Variants in MAPT observed in about 807,000 individuals in gnomAD.
MAPT encodes the protein microtubule associated protein tau.
In MAPT, 34 loss-of-function variants were observed where a neutral mutation model predicts 67.9. That is an observed-to-expected ratio of 0.50 (90% CI 0.38 to 0.67). The LOEUF (loss-of-function observed/expected upper bound fraction) is 0.67. MAPT is among the 30% of genes least tolerant of loss of function. MAPT has a pLI of 0.00. For missense variants in MAPT, 881 were observed against 1,115.2 expected, an observed-to-expected ratio of 0.79 and a Z score of 2.99; for synonymous variants, 456 against 464.5, an observed-to-expected ratio of 0.98 and a Z score of 0.23.
At chr17:45,919,326 C>G (rs1172299058) in intron 1 of MAPT, among the ~76,000 whole-genome samples, 1 of 151,572 alleles carries the variant, frequency 6.6e-6, no homozygotes, top group Non-Finnish European at 1.5e-5. Context: ...GCATCCAGGA[C>G]TACAGATAAC....
chr17:46,017,209 G>T (rs2076237513), intron 11 of MAPT, among the ~76,000 whole-genome samples: 1 of 152,218 alleles, frequency 6.6e-6, no homozygotes, highest in Non-Finnish European at 1.5e-5. Flanking sequence ...AGTCCTGTGG[G>T]CTGTCTCTTC....
chr17:45,908,979 C>A (rs2064537000), intron 1 of MAPT, among the ~76,000 whole-genome samples: 1 of 152,182 alleles, frequency 6.6e-6, no homozygotes, highest in Non-Finnish European at 1.5e-5. Context: ...TTAGAAGCAT[C>A]CAAAACTGAA....
chr17:45,983,207 GGCTTCCTCCGA>G lies in MAPT; in HGVS notation c.630_640del (p.Phe211AlafsTer22), dbSNP rs768990943. The G allele has an allele frequency of 6.2e-6, 10 of 1,608,348 alleles. No individual in the cohort carries two copies. Among genetic ancestry groups the G allele is most frequent in the African/African-American group, 2.7e-5 (2 of 74,872 alleles). On this transcript the variant is annotated frameshift_variant, in exon 5 of 13. Coordinates refer to ENST00000262410, the MANE Select transcript of MAPT (RefSeq NM_001377265.1). LOFTEE classifies it high-confidence loss of function. ...TGAAAGTGGTAAGGTGGTCCAGGAA[GGCTTCCTCCGA>G]GAGCCAGGCCCCCCAGGTCTGAGCC...
chr17:45,966,766 G>A (rs1234084366), intron 2 of MAPT, among the ~76,000 whole-genome samples: 2 of 152,080 alleles, frequency 1.3e-5, no homozygotes, highest in African/African-American at 4.8e-5. Context: ...ATGATCAGAA[G>A]TTCTATGCCA....
chr17:45,922,280 A>G (rs911595176), intron 1 of MAPT, among the ~76,000 whole-genome samples: 2 of 152,078 alleles, frequency 1.3e-5, no homozygotes, highest in East Asian at 3.9e-4. Flanking sequence ...AAGGCCTTAT[A>G]TTTTGCTCTT....
intron 3 of MAPT, chr17:45,978,086 T>C: frequency 2.2e-6 from 1 of 459,118 alleles, no homozygotes; most frequent in Non-Finnish European, 4.0e-6. Flanking sequence ...TGTGTCCTTG[T>C]TGAGTGAGGC....
intron 1 of MAPT, among the ~76,000 whole-genome samples, chr17:45,950,657 TTTTATTTA>T (rs573272603): frequency 3.3e-5 from 5 of 152,038 alleles, no homozygotes; most frequent in African/African-American, 2.4e-5. Flanking sequence ...ATTTTTAAAA[TTTTATTTA>T]TTTATTTATT....
intron 11 of MAPT, among the ~76,000 whole-genome samples, chr17:46,017,796 A>G (rs746732273): frequency 2.0e-5 from 3 of 149,916 alleles, no homozygotes; most frequent in Admixed American, 6.7e-5. Context: ...TTGACATTCA[A>G]TTTAATTCCA....
At chr17:45,954,381 G>A (rs138966978) in intron 1 of MAPT, among the ~76,000 whole-genome samples, 2 of 152,284 alleles carry the variant, frequency 1.3e-5, no homozygotes, top group East Asian at 3.9e-4. Context: ...CAGCAATTTG[G>A]GAGGCCGAGG....
In MAPT at chr17:46,010,212, G is replaced by T; in HGVS notation, c.1999-98G>T. Reference sequence around the variant, plus strand: ...CTTGCGAGCAAGTAGGCGGGTCCAGGGTGGCGCATGTCACTCATCGAAAGT... The same window carrying T: ...CTTGCGAGCAAGTAGGCGGGTCCAGTGTGGCGCATGTCACTCATCGAAAGT... On this transcript the variant is annotated intron_variant, in intron 9 of 12. Coordinates refer to ENST00000262410, the MANE Select transcript of MAPT (RefSeq NM_001377265.1). The surrounding 1 kb of genome is among the most constrained non-coding windows in gnomAD (Gnocchi z 4.7). 1 of 801,536 alleles carries T rather than the reference G, an allele frequency of 1.2e-6. No homozygotes were observed. The allele number at this position is 801,536 out of a possible 1,614,324, so 49.7% of individuals were successfully genotyped here. A position where few individuals can be genotyped will look rare whatever the true frequency, so the allele number is the denominator to read the frequency against.
At chr17:46,012,978 G>A (rs1377064078) in intron 10 of MAPT, among the ~76,000 whole-genome samples, 1 of 152,170 alleles carries the variant, frequency 6.6e-6, no homozygotes, top group African/African-American at 2.4e-5. Context: ...ATGGGTCTCA[G>A]CCATCTCTGC....
chr17:45,987,809 G>A (rs1389313413), intron 6 of MAPT, among the ~76,000 whole-genome samples: 1 of 152,196 alleles, frequency 6.6e-6, no homozygotes, highest in Non-Finnish European at 1.5e-5. Flanking sequence ...GTGAGGCAGT[G>A]GAAGGGCCTG....
intron 1 of MAPT, among the ~76,000 whole-genome samples, chr17:45,909,997 C>T (rs548518587): frequency 2.5e-4 from 38 of 151,020 alleles, no homozygotes; most frequent in Non-Finnish European, 1.2e-4. Flanking sequence ...GCTGAGATCG[C>T]GCCACTGCAC....
chr17:45,970,969 T>C (rs1018598418), intron 2 of MAPT, among the ~76,000 whole-genome samples: 5 of 152,224 alleles, frequency 3.3e-5, no homozygotes, highest in East Asian at 1.9e-4. Context: ...TCTGTATACA[T>C]TGGGCTCTCA....
chr17:45,989,600 G>A (rs985973724), intron 6 of MAPT, among the ~76,000 whole-genome samples: 20 of 152,154 alleles, frequency 1.3e-4, no homozygotes, highest in African/African-American at 3.6e-4. Flanking sequence ...GCAGTGAGCC[G>A]AGATTGCACC....
intron 1 of MAPT, among the ~76,000 whole-genome samples, chr17:45,931,594 C>T (rs1196721066): frequency 6.6e-6 from 1 of 152,184 alleles, no homozygotes; most frequent in East Asian, 1.9e-4. Flanking sequence ...CTGTATTGTA[C>T]CATTGATGTA....
intron 1 of MAPT, among the ~76,000 whole-genome samples, chr17:45,941,619 C>T (rs1217413820): frequency 3.9e-5 from 5 of 127,084 alleles, no homozygotes; most frequent in East Asian, 2.5e-4. Context: ...TCCCTCCCCC[C>T]TTCCCTCCTT....
In MAPT at chr17:45,896,054, C is replaced by G. The variant is rs1041591018; in HGVS notation, c.-18+1368C>G. The G allele has an allele frequency of 6.6e-6, 1 of 152,352 alleles. No individual in the cohort carries two copies. Among genetic ancestry groups the G allele is most frequent in the Non-Finnish European group, 1.5e-5 (1 of 68,120 alleles). The allele number at this position is 152,352 out of a possible 1,614,324, so 9.4% of individuals were successfully genotyped here. A position where few individuals can be genotyped will look rare whatever the true frequency, so the allele number is the denominator to read the frequency against. On this transcript the variant is annotated intron_variant, in intron 1 of 12. Coordinates refer to ENST00000262410, the MANE Select transcript of MAPT (RefSeq NM_001377265.1). The surrounding 1 kb of genome is among the most constrained non-coding windows in gnomAD (Gnocchi z 5.6). ...TTCTGAGGGTGTTCAGTCAACCTCCCCCCTACGCCCATGCGCCTCTCTTTC... is the reference window on the plus strand; with the variant it reads ...TTCTGAGGGTGTTCAGTCAACCTCCGCCCTACGCCCATGCGCCTCTCTTTC...
rs1282346197 is a variant in MAPT, at chr17:45,982,912, C to A, written c.333C>A (p.Pro111=). The change falls in exon 5 of 13, where the codon CCC becomes CCA. Residue 111 remains proline, a synonymous_variant. Coordinates refer to ENST00000262410, the MANE Select transcript of MAPT (RefSeq NM_001377265.1). ...GGCAGAGGAAGGCGCCTGAAAGGCC[C>A]CTGGCCAATGAGATTAGCGCCCACG... is the stretch of plus-strand genomic sequence containing the variant. The part of the protein sequence containing the change: ...PGRQRKAPER[P]LANEISAHVQ... 1 of 1,355,956 alleles carries A rather than the reference C, an allele frequency of 7.4e-7. No homozygotes were observed. Among genetic ancestry groups the A allele is most frequent in the Non-Finnish European group, 9.5e-7 (1 of 1,055,580 alleles). The allele number at this position is 1,355,956 out of a possible 1,614,324, so 84.0% of individuals were successfully genotyped here.
Sources: allele counts gnomAD v4.1 joint callset (sites outside exome capture counted in the v4.1 genomes callset), GRCh38; gene constraint gnomAD v4.1.1; non-coding constraint Gnocchi (gnomAD v3.1); transcripts MANE v1.5; gene names NCBI Gene and HGNC (gene_info 2026-07-23, HGNC 2026-07-21).